Variants in RNGTT observed in about 807,000 individuals in gnomAD.
RNGTT encodes the protein RNA guanylyltransferase and 5'-phosphatase.
RNGTT carries 33 observed loss-of-function variants against 79.3 expected under a neutral mutation model. That is an observed-to-expected ratio of 0.42 (90% confidence interval 0.32 to 0.56). The LOEUF (loss-of-function observed/expected upper bound fraction) is 0.56. RNGTT is among the 20% of genes least tolerant of loss of function. The probability of loss-of-function intolerance (pLI) is 0.17; values close to 1 mark genes in which losing one functional copy is unlikely to be tolerated. For synonymous variants in RNGTT, 222 were observed against 235.9 expected (o/e 0.94, Z 0.54); for missense variants, 497 against 739.1 (o/e 0.67, Z 3.80).
At chr6:88,888,777 C>T (rs191720311) in intron 8 of RNGTT, among the ~76,000 whole-genome samples, 3 of 152,302 alleles carry the variant, frequency 2.0e-5, no homozygotes, top group African/African-American at 7.2e-5. Context: ...CACCTGTAAT[C>T]CCAGCACTTT....
At chr6:88,769,709 G>A (rs1778583973) in intron 13 of RNGTT, 65 bp downstream of exon 13, 1 of 920,166 alleles carries the variant, frequency 1.1e-6, no homozygotes, top group East Asian at 2.5e-5. Context: ...GAAATACCCT[G>A]TAAAAGGTGA....
intron 13 of RNGTT, among the ~76,000 whole-genome samples, chr6:88,725,162 G>T (rs1264601321): frequency 6.6e-6 from 1 of 152,206 alleles, no homozygotes; most frequent in African/African-American, 2.4e-5. Context: ...TTCCCGGGGC[G>T]GTCTCTGGTT....
At chr6:88,890,940 A>G (rs747174325) in intron 7 of RNGTT, among the ~76,000 whole-genome samples, 1 of 152,168 alleles carries the variant, frequency 6.6e-6, no homozygotes, top group Non-Finnish European at 1.5e-5. Context: ...ATTACTTTAC[A>G]TGATATTCTA....
At chr6:88,736,857 A>AG (rs1428208891) in intron 13 of RNGTT, among the ~76,000 whole-genome samples, 5 of 152,224 alleles carry the variant, frequency 3.3e-5, no homozygotes, top group African/African-American at 1.2e-4. Flanking sequence ...TTATCCTTCA[A>AG]GAAAAAGTAA....
intron 8 of RNGTT, among the ~76,000 whole-genome samples, chr6:88,887,047 TAAA>T (rs754717516): frequency 3.7e-4 from 31 of 83,490 alleles, no homozygotes; most frequent in African/African-American, 1.2e-3. Flanking sequence ...ACAATTTCTT[TAAA>T]AAAAAAAAAA....
At chr6:88,858,605 A>G (rs1781911688) in intron 8 of RNGTT, among the ~76,000 whole-genome samples, 1 of 152,232 alleles carries the variant, frequency 6.6e-6, no homozygotes, top group African/African-American at 2.4e-5. Context: ...AATCCTTACA[A>G]CAACCTCACC....
At chr6:88,870,636 T>C (rs763138667) in intron 8 of RNGTT, among the ~76,000 whole-genome samples, 1 of 152,120 alleles carries the variant, frequency 6.6e-6, no homozygotes, top group African/African-American at 2.4e-5. Flanking sequence ...GGGACTTTAA[T>C]ACGGCTACAT....
At chr6:88,876,424 C>G (rs1255430218) in intron 8 of RNGTT, among the ~76,000 whole-genome samples, 1 of 152,154 alleles carries the variant, frequency 6.6e-6, no homozygotes, top group Non-Finnish European at 1.5e-5. Flanking sequence ...GTCCCAGCTA[C>G]TCTGGAGGCT....
chr6:88,650,788 A>G (rs189544880), intron 14 of RNGTT, among the ~76,000 whole-genome samples: 18 of 152,336 alleles, frequency 1.2e-4, no homozygotes, highest in Admixed American at 2.6e-4. Flanking sequence ...TCTTGTGGAC[A>G]TGAAGAAGTA....
intron 1 of RNGTT, among the ~76,000 whole-genome samples, chr6:88,954,608 A>C (rs575639967): frequency 1.2e-4 from 19 of 152,154 alleles, no homozygotes; most frequent in African/African-American, 4.6e-4. Context: ...AAAAGAATAG[A>C]GTTAAATATA....
chr6:88,824,357 T>C (rs554200569), intron 11 of RNGTT, among the ~76,000 whole-genome samples: 1 of 152,324 alleles, frequency 6.6e-6, no homozygotes, highest in South Asian at 2.1e-4. Flanking sequence ...AGTATTTATG[T>C]ATAAAAGATA....
At chr6:88,784,805 G>C (rs983999373) in intron 12 of RNGTT, among the ~76,000 whole-genome samples, 9 of 152,142 alleles carry the variant, frequency 5.9e-5, no homozygotes, top group Admixed American at 5.9e-4. Flanking sequence ...CTAAATCAGA[G>C]CGCTAACAAA....
Position 88,697,923 on chromosome 6 carries a change from T to C in RNGTT, c.1440-19504A>G, listed in dbSNP as rs1472497936. Among the ~76,000 whole-genome samples the C allele has an allele frequency of 2.4e-5, 3 of 123,568 alleles. 1 individual carries two copies. Among genetic ancestry groups the C allele is most frequent in the African/African-American group, 1.2e-4 (3 of 25,812 alleles). 81.1% of individuals were successfully genotyped at this position (123,568 alleles called of 152,430 possible). On this transcript the variant is annotated intron_variant, in intron 13 of 15. Coordinates refer to ENST00000369485, the MANE Select transcript of RNGTT (RefSeq NM_003800.5). ...ATATGATATATATATGAAATACATA[T>C]ATATGATATATATATGAAATACATA...
chr6:88,881,699 C>A (rs1459181705), intron 8 of RNGTT, among the ~76,000 whole-genome samples: 7 of 152,162 alleles, frequency 4.6e-5, no homozygotes, highest in Non-Finnish European at 8.8e-5. Context: ...CTTTCACTAA[C>A]TCTTAATAAT....
chr6:88,743,375 T>C (rs1051827358), intron 13 of RNGTT, among the ~76,000 whole-genome samples: 3 of 152,136 alleles, frequency 2.0e-5, no homozygotes, highest in Non-Finnish European at 4.4e-5. Context: ...AACAGTTCGG[T>C]GGTATTAAAT....
chr6:88,615,284 A>T (rs1772175601), intron 14 of RNGTT, among the ~76,000 whole-genome samples: 1 of 152,192 alleles, frequency 6.6e-6, no homozygotes, highest in Non-Finnish European at 1.5e-5. Flanking sequence ...TATCTGAAAC[A>T]TTCTCATTTT....
chr6:88,864,102 A>G (rs1431769383), intron 8 of RNGTT, among the ~76,000 whole-genome samples: 2 of 152,160 alleles, frequency 1.3e-5, no homozygotes, highest in African/African-American at 2.4e-5. Flanking sequence ...CTCAAAATAC[A>G]TATCTTCAAA....
intron 1 of RNGTT, among the ~76,000 whole-genome samples, chr6:88,961,341 A>G (rs906498669): frequency 5.3e-5 from 8 of 150,986 alleles, no homozygotes; most frequent in South Asian, 2.1e-4. Flanking sequence ...GTGTGTATGT[A>G]TGTGTGTGTG....
chr6:88,621,307 A>T (rs2127765820), intron 14 of RNGTT, among the ~76,000 whole-genome samples: 1 of 152,278 alleles, frequency 6.6e-6, no homozygotes, highest in Admixed American at 6.5e-5. Context: ...TCTGATCTAG[A>T]TCAATAAAAT....
Sources: allele counts gnomAD v4.1 joint callset (sites outside exome capture counted in the v4.1 genomes callset), GRCh38; gene constraint gnomAD v4.1.1; transcripts MANE v1.5; gene names NCBI Gene and HGNC (gene_info 2026-07-23, HGNC 2026-07-21).